The following SYT9 variants were observed in gnomAD, a reference collection of about 807,000 sequenced individuals.
SYT9 encodes synaptotagmin 9, also known as synaptotagmin-9.
A neutral mutation model predicts 48.4 loss-of-function variants in SYT9; 22 were observed. That is an observed-to-expected ratio of 0.45 (90% CI 0.32 to 0.65). The LOEUF is 0.65. Ranked by LOEUF, SYT9 falls within the 30% of genes least tolerant of loss-of-function variation. SYT9 has a pLI of 0.03. For missense variants in SYT9, 577 were observed against 622.0 expected (o/e 0.93, Z 0.77); for synonymous variants, 265 against 245.0 (o/e 1.08, Z -0.76).
chr11:7,258,686 T>C (rs973619059), intron 1 of SYT9, among the ~76,000 whole-genome samples: 3 of 152,130 alleles, frequency 2.0e-5, no homozygotes, highest in Non-Finnish European at 2.9e-5. Context: ...TTCATTTTAT[T>C]CATCTATAAA....
At chr11:7,307,104 C>T (rs1849047204) in intron 2 of SYT9, among the ~76,000 whole-genome samples, 1 of 152,130 alleles carries the variant, frequency 6.6e-6, no homozygotes, top group Non-Finnish European at 1.5e-5. Flanking sequence ...CATTAAGAGC[C>T]CCACATTAGG....
At chr11:7,288,019 G>A (rs1013702648) in intron 1 of SYT9, among the ~76,000 whole-genome samples, 7 of 151,950 alleles carry the variant, frequency 4.6e-5, no homozygotes, top group African/African-American at 1.7e-4. Context: ...GTAGAGAGAA[G>A]CATCATAACG....
chr11:7,249,368 C>T (rs918330703), upstream of SYT9, among the ~76,000 whole-genome samples: 1 of 152,134 alleles, frequency 6.6e-6, no homozygotes, highest in Non-Finnish European at 1.5e-5. Context: ...AAGGCAGGCC[C>T]AAATTCAAGC....
chr11:7,436,648 C>G (rs936244754), intron 6 of SYT9, among the ~76,000 whole-genome samples: 1 of 151,050 alleles, frequency 6.6e-6, no homozygotes, highest in Non-Finnish European at 1.5e-5. Flanking sequence ...TTGTTTTTGG[C>G]CAAATTCTTT....
In SYT9 at chr11:7,342,153, A is replaced by G. The variant is rs527836343; in HGVS notation, c.1044+28212A>G. Among the ~76,000 whole-genome samples the G allele has an allele frequency of 3.7e-3, 560 of 152,288 alleles. 2 individuals carry two copies. Among genetic ancestry groups the G allele is most frequent in the Middle Eastern group, 6.8e-3 (2 of 294 alleles). ...TTGAGAGGGGACACAGAGCCAAATC[A>G]TATCATTCCACCCCTGGGCCTCTCC... On this transcript the variant is annotated intron_variant, in intron 3 of 6. Coordinates refer to ENST00000318881, the MANE Select transcript of SYT9 (RefSeq NM_175733.4).
At chr11:7,462,610 C>T (rs1272104502) in intron 6 of SYT9, among the ~76,000 whole-genome samples, 1 of 152,134 alleles carries the variant, frequency 6.6e-6, no homozygotes, top group Non-Finnish European at 1.5e-5. Flanking sequence ...GATTCTAAAC[C>T]AGCAGAGCAT....
chr11:7,369,429 G>C (rs1244447855), intron 3 of SYT9, among the ~76,000 whole-genome samples: 1 of 151,760 alleles, frequency 6.6e-6, no homozygotes. Context: ...TCTGTAGGTT[G>C]CCTATTCACT....
chr11:7,241,207 AACACACACACAC>A (rs141196550), intron 1 of SYT9, among the ~76,000 whole-genome samples: 2 of 144,110 alleles, frequency 1.4e-5, no homozygotes, highest in African/African-American at 2.6e-5. Flanking sequence ...TGTTATTTAA[AACACACACACAC>A]ACACACACAC....
chr11:7,404,893 AAG>A (rs1846971282), intron 3 of SYT9, among the ~76,000 whole-genome samples: 1 of 152,184 alleles, frequency 6.6e-6, no homozygotes, highest in Non-Finnish European at 1.5e-5. Context: ...AGATCACAGA[AAG>A]AGTTTATAGA....
intron 3 of SYT9, among the ~76,000 whole-genome samples, chr11:7,340,493 ATTC>A (rs1293956777): frequency 6.6e-6 from 1 of 151,688 alleles, no homozygotes; most frequent in African/African-American, 2.4e-5. Flanking sequence ...GCATGTGGGT[ATTC>A]TTTTAACTGC....
intron 2 of SYT9, among the ~76,000 whole-genome samples, chr11:7,304,295 A>G (rs1379363338): frequency 6.6e-6 from 1 of 152,226 alleles, no homozygotes; most frequent in Non-Finnish European, 1.5e-5. Flanking sequence ...ATGTTGCACA[A>G]AAGTGTGTTT....
intron 3 of SYT9, among the ~76,000 whole-genome samples, chr11:7,347,390 C>T (rs1849818780): frequency 6.6e-6 from 1 of 152,066 alleles, no homozygotes; most frequent in African/African-American, 2.4e-5. Flanking sequence ...TGCCACTGTA[C>T]CCGGCTAATT....
At chr11:7,374,986 G>A (rs759998875) in intron 3 of SYT9, among the ~76,000 whole-genome samples, 23 of 152,148 alleles carry the variant, frequency 1.5e-4, no homozygotes, top group Non-Finnish European at 3.1e-4. Flanking sequence ...TAGTCATGAA[G>A]TCTTTGCCCA....
intron 3 of SYT9, among the ~76,000 whole-genome samples, chr11:7,351,640 C>T (rs570598796): frequency 4.6e-5 from 7 of 152,274 alleles, no homozygotes; most frequent in African/African-American, 1.4e-4. Flanking sequence ...GCATCCTCAT[C>T]GATTCTGAAG....
intron 6 of SYT9, chr11:7,440,382 A>T (rs1335476489): frequency 6.6e-6 from 1 of 152,224 alleles, no homozygotes; most frequent in Non-Finnish European, 1.5e-5. Context: ...CGCTCACTTA[A>T]GTGTAAAAAA....
chr11:7,431,479 A>G (rs1847568702), intron 6 of SYT9, among the ~76,000 whole-genome samples: 2 of 152,268 alleles, frequency 1.3e-5, no homozygotes, highest in African/African-American at 4.8e-5. Context: ...CAGAAATTCA[A>G]GCAAGCTGTG....
At chr11:7,329,760 GC>G (rs1304678824) in intron 3 of SYT9, among the ~76,000 whole-genome samples, 5 of 152,306 alleles carry the variant, frequency 3.3e-5, no homozygotes, top group Admixed American at 2.0e-4. Flanking sequence ...ATTTAAGTTA[GC>G]TGTGGCATTT....
rs554348328 is a variant in SYT9, at chr11:7,303,135, C to T, written c.242C>T (p.Pro81Leu). Residue 81 changes from proline (P) to leucine (L), a missense_variant, in exon 2 of 7, where the codon CCG becomes CTG. Physicochemically the swap from Pro to Leu is moderately conservative, Grantham distance 98. Coordinates refer to ENST00000318881, the MANE Select transcript of SYT9 (RefSeq NM_175733.4). ...LFVSWKLCWV[P>L]WRERGLPSGS... ...GTATCTTGGAAACTCTGCTGGGTTC[C>T]GTGGCGAGAACGAGGCCTGCCCTCT... The T allele has an allele frequency of 1.8e-5, 29 of 1,614,174 alleles. No homozygotes were observed. The East Asian group carries it at 4.5e-4, about 25-fold the overall frequency.
chr11:7,240,647 CT>C, intron 1 of SYT9, among the ~76,000 whole-genome samples: 1 of 152,248 alleles, frequency 6.6e-6, no homozygotes, highest in South Asian at 2.1e-4. Context: ...CATTATATTG[CT>C]TTAAACGAAC....
Sources: gnomAD v4.1 joint callset for allele counts (sites outside exome capture counted in the v4.1 genomes callset) on GRCh38, gnomAD v4.1.1 for gene constraint, MANE v1.5 for transcripts, NCBI Gene and HGNC (gene_info 2026-07-23, HGNC 2026-07-21) for gene names.